Variants in ATP10B observed in about 807,000 individuals in gnomAD.
ATP10B encodes the protein ATPase phospholipid transporting 10B (putative).
A neutral mutation model predicts 141.2 loss-of-function variants in ATP10B; 122 were observed. The observed-to-expected ratio is 0.86, with a 90% CI of 0.75 to 1.00. The LOEUF is 1.00. ATP10B is among the 50% of genes least tolerant of loss of function. The pLI is 0.00. For missense variants in ATP10B, 1,876 were observed against 1,825.3 expected, an observed-to-expected ratio of 1.03 and a Z score of -0.51; for synonymous variants, 685 against 692.0, an observed-to-expected ratio of 0.99 and a Z score of 0.16.
intron 1 of ATP10B, among the ~76,000 whole-genome samples, chr5:160,837,463 T>G (rs1362639019): frequency 6.6e-6 from 1 of 152,174 alleles, no homozygotes; most frequent in East Asian, 1.9e-4. Context: ...ATGTTAGTAT[T>G]TTTCTTCCTA....
intron 1 of ATP10B, among the ~76,000 whole-genome samples, chr5:160,818,605 T>A (rs1263172465): frequency 2.6e-5 from 4 of 152,212 alleles, no homozygotes; most frequent in Non-Finnish European, 4.4e-5. Flanking sequence ...TCCTCAGGGT[T>A]CTAGAACTAG....
At chr5:160,636,472 C>A (rs754814902) in intron 10 of ATP10B, among the ~76,000 whole-genome samples, 163 bp from the exon 11 acceptor site, 1 of 152,096 alleles carries the variant, frequency 6.6e-6, no homozygotes, top group Non-Finnish European at 1.5e-5. Context: ...TGTGTATGTG[C>A]ATGTGTTCAT....
At chr5:160,607,956 T>C (rs1241199738) in intron 18 of ATP10B, among the ~76,000 whole-genome samples, 4 of 152,222 alleles carry the variant, frequency 2.6e-5, no homozygotes. Context: ...TACTTTAAGT[T>C]CTAGGGTACA....
At chr5:160,874,412 G>T in the ATP10B span, among the ~76,000 whole-genome samples, 1 of 152,128 alleles carries the variant, frequency 6.6e-6, no homozygotes, top group East Asian at 1.9e-4. Context: ...ACCAAAAGTA[G>T]ATAAAACCAC....
chr5:160,578,522 CT>C (rs771767278), intron 24 of ATP10B, among the ~76,000 whole-genome samples: 68 of 152,060 alleles, frequency 4.5e-4, no homozygotes, highest in South Asian at 1.7e-3. Context: ...ACAACTCATC[CT>C]TTTTTTATGG....
intron 2 of ATP10B, among the ~76,000 whole-genome samples, chr5:160,747,921 C>G (rs184347660): frequency 6.7e-6 from 1 of 149,536 alleles, no homozygotes; most frequent in African/African-American, 2.5e-5. Flanking sequence ...TGCCTCAAGT[C>G]CACCATAGAC....
intron 1 of ATP10B, among the ~76,000 whole-genome samples, chr5:160,823,501 T>C (rs1368938976): frequency 6.6e-6 from 1 of 152,190 alleles, no homozygotes; most frequent in African/African-American, 2.4e-5. Flanking sequence ...CATTTACCTA[T>C]GTAACAAACT....
chr5:160,825,794 C>T (rs1774554843), intron 1 of ATP10B, among the ~76,000 whole-genome samples: 1 of 152,044 alleles, frequency 6.6e-6, no homozygotes, highest in African/African-American at 2.4e-5. Flanking sequence ...ACACATACTC[C>T]TCTTCCCACC....
the ATP10B span, among the ~76,000 whole-genome samples, chr5:160,863,646 A>T: frequency 2.6e-5 from 4 of 152,012 alleles, no homozygotes; most frequent in African/African-American, 9.7e-5. Flanking sequence ...AATACAAGGG[A>T]TAAATGAAAC....
intron 2 of ATP10B, among the ~76,000 whole-genome samples, chr5:160,769,493 C>T (rs944551467): frequency 6.6e-6 from 1 of 152,216 alleles, no homozygotes; most frequent in Non-Finnish European, 1.5e-5. Context: ...AGCCAATAGC[C>T]TGCAGGTGTG....
the ATP10B span, among the ~76,000 whole-genome samples, chr5:160,893,174 C>A: frequency 2.6e-5 from 4 of 152,014 alleles, no homozygotes; most frequent in African/African-American, 9.7e-5. Flanking sequence ...ACCCAAGTGG[C>A]ACCTGGAATG....
At chr5:160,827,747 A>G (rs1032489457) in intron 1 of ATP10B, among the ~76,000 whole-genome samples, 1 of 152,184 alleles carries the variant, frequency 6.6e-6, no homozygotes, top group South Asian at 2.1e-4. Flanking sequence ...TAATTTTTGT[A>G]TAGGGTGAAA....
rs116093224 is a variant in ATP10B at position 160,825,682 on chromosome 5, A to T, written c.-576+26259T>A. ...TCAGTAGTCAGTAGCATCCTTTAAA[A>T]AAATTTGACTTTCATTTTAGATACG... On this transcript the variant is annotated intron_variant, in intron 1 of 25. Transcript: ENST00000327245. Among the ~76,000 whole-genome samples the T allele has an allele frequency of 6.0e-3, 916 of 152,310 alleles. 13 individuals carry two copies. Among genetic ancestry groups the T allele is most frequent in the African/African-American group, 0.021 (872 of 41,570 alleles).
chr5:160,738,684 G>A (rs1323526631), intron 2 of ATP10B, among the ~76,000 whole-genome samples: 1 of 151,904 alleles, frequency 6.6e-6, no homozygotes, highest in Non-Finnish European at 1.5e-5. Flanking sequence ...ACAGACTGAA[G>A]AAGAAACAAC....
chr5:160,582,787 C>T (rs1464368514), intron 24 of ATP10B, among the ~76,000 whole-genome samples: 1 of 152,058 alleles, frequency 6.6e-6, no homozygotes, highest in Non-Finnish European at 1.5e-5. Flanking sequence ...CCTTTCCATT[C>T]TTTTTTCTCT....
intron 1 of ATP10B, among the ~76,000 whole-genome samples, chr5:160,791,338 A>ATC (rs1486104910): frequency 1.4e-4 from 21 of 152,246 alleles, no homozygotes; most frequent in African/African-American, 5.1e-4. Flanking sequence ...TATTGGTTGA[A>ATC]TCTCTATTCA....
In ATP10B at chr5:160,687,993, T is replaced by C; in HGVS notation, c.82A>G (p.Thr28Ala). The C allele has an allele frequency of 6.2e-7, 1 of 1,613,984 alleles. No individual in the cohort carries two copies. The highest frequency in any genetic ancestry group is 1.1e-5 in the South Asian group (1 of 91,062). ...CCTTTCTCTGGAGAGAGCAGCGGTG[T>C]GGTTTCCGATGGACAATGGGGGAAG... ...DGFPHCPSET[T>A]PLLSPEKGRQ... is the part of the protein sequence containing the mutation. Residue 28 changes from threonine to alanine, a missense_variant, in exon 5 of 26, where the codon ACA becomes GCA. Transcript: ENST00000327245.
chr5:160,680,348 T>C (rs1763298638), intron 6 of ATP10B, among the ~76,000 whole-genome samples: 1 of 152,216 alleles, frequency 6.6e-6, no homozygotes, highest in Non-Finnish European at 1.5e-5. Flanking sequence ...CTGACATCTG[T>C]CATGTGTCCT....
intron 3 of ATP10B, among the ~76,000 whole-genome samples, chr5:160,707,075 C>A (rs964256730): frequency 3.9e-5 from 6 of 152,108 alleles, no homozygotes; most frequent in African/African-American, 1.4e-4. Context: ...CTCAGCCTCC[C>A]TAGTAGCCGG....
Sources: allele counts gnomAD v4.1 joint callset (sites outside exome capture counted in the v4.1 genomes callset), GRCh38; gene constraint gnomAD v4.1.1; transcripts MANE v1.5; gene names NCBI Gene and HGNC (gene_info 2026-07-23, HGNC 2026-07-21).